Variants in MSRB3 observed in about 807,000 individuals in gnomAD.
MSRB3 encodes methionine-R-sulfoxide reductase B3.
MSRB3 carries 13 observed loss-of-function variants against 21.0 expected under a neutral mutation model. The ratio of observed to expected loss-of-function variants is 0.62; its 90% CI spans 0.40 to 0.98. The LOEUF (loss-of-function observed/expected upper bound fraction) is 0.98, where lower values mean the gene tolerates loss of function less well. Ranked by LOEUF, MSRB3 falls within the 50% of genes least tolerant of loss-of-function variation. The probability of loss-of-function intolerance (pLI) is 0.00; values close to 1 mark genes in which losing one functional copy is unlikely to be tolerated. For missense variants in MSRB3, 199 were observed against 230.3 expected (o/e 0.86, Z 0.88); for synonymous variants, 87 against 88.6 (o/e 0.98, Z 0.10).
At chr12:65,371,436 TGTTGTATACA>T (rs1427536976) in intron 5 of MSRB3, among the ~76,000 whole-genome samples, 1 of 151,698 alleles carries the variant, frequency 6.6e-6, no homozygotes, top group Non-Finnish European at 1.5e-5. Flanking sequence ...GTCTGTCTAA[TGTTGTATACA>T]GCTCTGACAA....
intron 5 of MSRB3, among the ~76,000 whole-genome samples, chr12:65,400,842 T>G (rs979600869): frequency 9.9e-5 from 15 of 152,190 alleles, no homozygotes; most frequent in African/African-American, 3.6e-4. Context: ...AAGAACTTCT[T>G]TATTTCTGCC....
At chr12:65,347,065 T>C (rs1330757908) in intron 4 of MSRB3, among the ~76,000 whole-genome samples, 1 of 152,196 alleles carries the variant, frequency 6.6e-6, no homozygotes, top group East Asian at 1.9e-4. Context: ...CTTGGCAATG[T>C]GGGCTCTGTT....
intron 5 of MSRB3, among the ~76,000 whole-genome samples, chr12:65,390,505 A>C (rs1425762663): frequency 3.3e-5 from 5 of 152,220 alleles, no homozygotes; most frequent in African/African-American, 1.2e-4. Flanking sequence ...ATATTTACTC[A>C]AAAATTAGGG....
intron 5 of MSRB3, among the ~76,000 whole-genome samples, chr12:65,396,527 C>T (rs1565871948): frequency 6.6e-6 from 1 of 151,920 alleles, no homozygotes; most frequent in Non-Finnish European, 1.5e-5. Flanking sequence ...CCTGTCTCTA[C>T]TAAAAATACA....
At chr12:65,286,392 A>G (rs1342011774) in intron 1 of MSRB3, 1 of 152,210 alleles carries the variant, frequency 6.6e-6, no homozygotes, top group Non-Finnish European at 1.5e-5. Context: ...TTATACTAAG[A>G]CTGGACTTTT....
chr12:65,322,660 C>CAAAAA (rs34770864), intron 2 of MSRB3, among the ~76,000 whole-genome samples: 9 of 87,576 alleles, frequency 1.0e-4, no homozygotes, highest in African/African-American at 1.9e-4. Context: ...GACTCCATCT[C>CAAAAA]AAAAAAAAAA....
chr12:65,435,272 C>A (rs1175407046), intron 5 of MSRB3, among the ~76,000 whole-genome samples: 1 of 151,938 alleles, frequency 6.6e-6, no homozygotes, highest in Non-Finnish European at 1.5e-5. Flanking sequence ...GCTTTTCCAT[C>A]TTTTGGCCAA....
At position 65,356,464 on chromosome 12, in the gene MSRB3, A is replaced by T. The variant is rs76970522; in HGVS notation, c.264-12534A>T. ...TTATACAATGTGAGGGGACTTTTTT[A>T]AAAAAAATTTATTCCCATAGGTTAT... On this transcript the variant is annotated intron_variant, in intron 4 of 6. Transcript: ENST00000308259. 2.5e-3 allele frequency among the ~76,000 whole-genome samples: 372 copies of T among 150,776 alleles called. 1 individual carries two copies. The highest frequency in any genetic ancestry group is 6.2e-3 in the African/African-American group (251 of 40,484).
intron 5 of MSRB3, among the ~76,000 whole-genome samples, chr12:65,371,595 G>GTA (rs1162954844): frequency 1.3e-5 from 2 of 151,362 alleles, no homozygotes; most frequent in Non-Finnish European, 2.9e-5. Flanking sequence ...GTGTGTGTGT[G>GTA]TGTACTCACA....
chr12:65,374,882 C>A (rs1565861587), intron 5 of MSRB3, among the ~76,000 whole-genome samples: 1 of 152,166 alleles, frequency 6.6e-6, no homozygotes, highest in Non-Finnish European at 1.5e-5. Flanking sequence ...CGGAGTCTTG[C>A]TCTGTCGCCC....
At chr12:65,364,348 A>G (rs1456601269) in intron 4 of MSRB3, among the ~76,000 whole-genome samples, 1 of 152,124 alleles carries the variant, frequency 6.6e-6, no homozygotes, top group Non-Finnish European at 1.5e-5. Flanking sequence ...TAAAAGGGGG[A>G]GGATGAATAT....
intron 4 of MSRB3, among the ~76,000 whole-genome samples, chr12:65,362,672 C>A (rs972981949): frequency 6.6e-6 from 1 of 152,042 alleles, no homozygotes; most frequent in Non-Finnish European, 1.5e-5. Context: ...GGGATTTAAT[C>A]GAGCCTGCCC....
intron 5 of MSRB3, among the ~76,000 whole-genome samples, chr12:65,437,351 A>G (rs1882167409): frequency 6.6e-6 from 1 of 152,002 alleles, no homozygotes; most frequent in African/African-American, 2.4e-5. Flanking sequence ...TCTGAGCTGC[A>G]TCACTGTTCG....
At position 65,368,969 on chromosome 12, in the gene MSRB3, T is replaced by C. The variant is rs191787454; in HGVS notation, c.264-29T>C. 1.1e-5 allele frequency: 14 copies of C among 1,275,670 alleles called. No homozygotes were observed. In the African/African-American group the frequency reaches 1.7e-4, roughly 16 times the overall value. The allele number at this position is 1,275,670 out of a possible 1,614,324, so 79.0% of individuals were successfully genotyped here. Reference sequence around the variant, plus strand: ...ATTGTTCTTTTACAAACAGTTTTTATATTGTAAAAACTTTCTTTCTCTTTG... The same window carrying C: ...ATTGTTCTTTTACAAACAGTTTTTACATTGTAAAAACTTTCTTTCTCTTTG... On this transcript the variant is annotated intron_variant, in intron 4 of 6. Coordinates refer to ENST00000308259, the MANE Select transcript of MSRB3 (RefSeq NM_001031679.3).
chr12:65,376,480 A>AGCC (rs1225613721), intron 5 of MSRB3, among the ~76,000 whole-genome samples: 1 of 152,204 alleles, frequency 6.6e-6, no homozygotes, highest in Middle Eastern at 3.2e-3. Context: ...GTCTGGTGGC[A>AGCC]GCCAATTTAC....
intron 5 of MSRB3, among the ~76,000 whole-genome samples, chr12:65,369,772 C>T (rs1878217314): frequency 6.6e-6 from 1 of 151,984 alleles, no homozygotes; most frequent in Non-Finnish European, 1.5e-5. Flanking sequence ...AGACTGTTAA[C>T]AGATAAATAA....
At chr12:65,338,004 G>T (rs1021739056) in intron 4 of MSRB3, among the ~76,000 whole-genome samples, 2 of 152,052 alleles carry the variant, frequency 1.3e-5, no homozygotes, top group African/African-American at 4.8e-5. Flanking sequence ...CATTACACGG[G>T]CATTGGATTT....
chr12:65,400,344 G>T (rs1243294631), intron 5 of MSRB3, among the ~76,000 whole-genome samples: 1 of 151,930 alleles, frequency 6.6e-6, no homozygotes, highest in Non-Finnish European at 1.5e-5. Context: ...TTGGGAGGGT[G>T]TATATGTCCA....
chr12:65,294,829 G>A (rs548041887), intron 1 of MSRB3, among the ~76,000 whole-genome samples: 1 of 151,886 alleles, frequency 6.6e-6, no homozygotes, highest in Non-Finnish European at 1.5e-5. Flanking sequence ...GGGTTTTTTT[G>A]TTTTGTTTTG....
Sources: gnomAD v4.1 joint callset for allele counts (sites outside exome capture counted in the v4.1 genomes callset) on GRCh38, gnomAD v4.1.1 for gene constraint, MANE v1.5 for transcripts, NCBI Gene and HGNC (gene_info 2026-07-23, HGNC 2026-07-21) for gene names.